The following ZNF736 variants were observed in gnomAD, a reference collection of about 807,000 sequenced individuals.
ZNF736 encodes zinc finger protein 736, also known as KRAB-containing zinc-finger repressor protein.
A neutral mutation model predicts 11.7 loss-of-function variants in ZNF736; 6 were observed. That is an observed-to-expected ratio of 0.51 (90% CI 0.28 to 1.01). ZNF736 has a LOEUF of 1.01. Ranked by LOEUF, ZNF736 falls within the 50% of genes least tolerant of loss-of-function variation. The probability of loss-of-function intolerance (pLI) is 0.09; values close to 1 mark genes in which losing one functional copy is unlikely to be tolerated. For synonymous variants in ZNF736, 139 were observed against 164.7 expected (o/e 0.84, Z 1.19); for missense variants, 444 against 496.0 (o/e 0.90, Z 1.00).
intron 1 of ZNF736, among the ~76,000 whole-genome samples, chr7:64,335,346 A>T (rs956804147): frequency 6.6e-6 from 1 of 152,044 alleles, no homozygotes; most frequent in Non-Finnish European, 1.5e-5. Context: ...AACATGGGAG[A>T]TATTTGTAGC....
At chr7:64,346,843 T>A (rs1190207651) in intron 3 of ZNF736, among the ~76,000 whole-genome samples, 1 of 152,068 alleles carries the variant, frequency 6.6e-6, no homozygotes, top group Admixed American at 6.5e-5. Flanking sequence ...TTTGTTTTTT[T>A]AATTTCCATT....
chr7:64,332,488 A>G (rs1789184333), intron 1 of ZNF736, among the ~76,000 whole-genome samples: 1 of 152,202 alleles, frequency 6.6e-6, no homozygotes, highest in South Asian at 2.1e-4. Context: ...AGGGAACAGG[A>G]CAAAAGGCAA....
At chr7:64,332,910 C>T (rs1789191031) in intron 1 of ZNF736, among the ~76,000 whole-genome samples, 1 of 152,084 alleles carries the variant, frequency 6.6e-6, no homozygotes, top group African/African-American at 2.4e-5. Flanking sequence ...TTCCCTTGTT[C>T]CCTAAAAATC....
At position 64,351,499 on chromosome 7, in the gene ZNF736, G is replaced by A. The variant is rs572726548; in HGVS notation, c.*2352G>A. 4.8e-3 allele frequency: 736 copies of A among 152,438 alleles called. 2 individuals carry two copies. The highest frequency in any genetic ancestry group is 8.3e-3 in the Non-Finnish European group (564 of 68,116). 9.4% of individuals were successfully genotyped at this position (152,438 alleles called of 1,614,324 possible). A position where few individuals can be genotyped will look rare whatever the true frequency, so the allele number is the denominator to read the frequency against. On this transcript the variant is annotated 3_prime_UTR_variant, in exon 4 of 4. Transcript: ENST00000423484. Reference sequence around the variant, plus strand: ...TCTGGTATGAGCTTCCAGGGTACCTGAGACTGCCCTGTAAGCAGCTGTGGC... The same window carrying A: ...TCTGGTATGAGCTTCCAGGGTACCTAAGACTGCCCTGTAAGCAGCTGTGGC...
At position 64,336,946 on chromosome 7, in the gene ZNF736, A is replaced by G. The variant is rs770755941; in HGVS notation, c.190A>G (p.Lys64Glu). 6.2e-7 allele frequency: 1 copy of G among 1,605,346 alleles called. No individual in the cohort carries two copies. Among genetic ancestry groups the G allele is most frequent in the Non-Finnish European group, 8.5e-7 (1 of 1,175,644 alleles). The change falls in exon 3 of 4, where the codon AAA becomes GAA. Residue 64 changes from lysine (K) to glutamate (E), a missense_variant. Transcript: ENST00000423484. ...TCTGGAGCAAAGAAAAGAGCCTTGGAAAGTGAAGAGACAGGAGGCAGTAGC... is the reference window on the plus strand; with the variant it reads ...TCTGGAGCAAAGAAAAGAGCCTTGGGAAGTGAAGAGACAGGAGGCAGTAGC... ...TCLEQRKEPWKVKRQEAVAKH... is the reference protein window; with the variant it reads ...TCLEQRKEPWEVKRQEAVAKH...
In ZNF736 at chr7:64,348,675, A is replaced by G. The variant is rs1789445280; in HGVS notation, c.812A>G (p.Asp271Gly). The G allele has an allele frequency of 3.1e-6, 5 of 1,607,898 alleles. No individual in the cohort carries two copies. Among genetic ancestry groups the G allele is most frequent in the Middle Eastern group, 1.7e-4 (1 of 6,052 alleles). ...ECGKAFKCFSDLTNHKRIHTG... is the reference protein window; with the variant it reads ...ECGKAFKCFSGLTNHKRIHTG... ...GGCAAAGCCTTTAAGTGCTTCTCAG[A>G]CCTTACTAATCATAAGAGAATTCAT... The change falls in exon 4 of 4, where the codon GAC becomes GGC. Residue 271 changes from aspartate (D) to glycine (G), a missense_variant. Coordinates refer to ENST00000423484, the MANE Select transcript of ZNF736 (RefSeq NM_001170905.3).
intron 3 of ZNF736, among the ~76,000 whole-genome samples, chr7:64,339,947 G>A (rs1789313104): frequency 6.6e-6 from 1 of 152,184 alleles, no homozygotes; most frequent in Non-Finnish European, 1.5e-5. Flanking sequence ...GGTATGCAGT[G>A]GAGAGGGGTT....
intron 1 of ZNF736, among the ~76,000 whole-genome samples, chr7:64,327,975 TAAG>T (rs952172093): frequency 3.9e-5 from 6 of 152,214 alleles, no homozygotes; most frequent in South Asian, 2.1e-4. Context: ...GTTATGGCCT[TAAG>T]GAGGTAGAGA....
intron 3 of ZNF736, among the ~76,000 whole-genome samples, chr7:64,343,793 A>G (rs1237982176): frequency 6.6e-6 from 1 of 152,160 alleles, no homozygotes; most frequent in African/African-American, 2.4e-5. Flanking sequence ...GTTTTTATGT[A>G]TCATAATTTT....
chr7:64,323,235 T>C (rs956300309), intron 1 of ZNF736, among the ~76,000 whole-genome samples: 4 of 152,208 alleles, frequency 2.6e-5, no homozygotes, highest in African/African-American at 9.6e-5. Context: ...GGCACTCATT[T>C]GAAGTAATAA....
chr7:64,346,409 T>C (rs1305749064), intron 3 of ZNF736, among the ~76,000 whole-genome samples: 1 of 148,488 alleles, frequency 6.7e-6, no homozygotes, highest in Non-Finnish European at 1.5e-5. Flanking sequence ...ATATATGTCA[T>C]GATATAGTTA....
intron 1 of ZNF736, among the ~76,000 whole-genome samples, chr7:64,330,680 C>A (rs964794603): frequency 6.6e-6 from 1 of 152,124 alleles, no homozygotes; most frequent in African/African-American, 2.4e-5. Context: ...TGGGTCTCAC[C>A]CGCCGAAGGG....
Position 64,349,971 on chromosome 7 carries a change from C to G in ZNF736, c.*824C>G, listed in dbSNP as rs1789464228. ...TTTTTAGAGGTGACCTGGCCTTTCT[C>G]TCTAGCTGCCTTTAACATATTTTTT... On this transcript the variant is annotated 3_prime_UTR_variant, in exon 4 of 4. Coordinates refer to ENST00000423484, the MANE Select transcript of ZNF736 (RefSeq NM_001170905.3). The G allele has an allele frequency of 6.6e-6, 1 of 152,054 alleles. No individual in the cohort carries two copies. Among genetic ancestry groups the G allele is most frequent in the Admixed American group, 6.5e-5 (1 of 15,268 alleles). 9.4% of individuals were successfully genotyped at this position (152,054 alleles called of 1,614,324 possible). A position where few individuals can be genotyped will look rare whatever the true frequency, so the allele number is the denominator to read the frequency against.
At chr7:64,327,605 T>C (rs1035648461) in intron 1 of ZNF736, among the ~76,000 whole-genome samples, 1 of 152,174 alleles carries the variant, frequency 6.6e-6, no homozygotes, top group Non-Finnish European at 1.5e-5. Context: ...TTGTGGTCTT[T>C]TCTCTCTCCT....
In ZNF736 at chr7:64,355,630, C is replaced by T. The variant is rs1450308225; in HGVS notation, c.*6483C>T. 1 of 152,254 alleles carries T rather than the reference C, an allele frequency of 6.6e-6. No individual in the cohort carries two copies. Among genetic ancestry groups the T allele is most frequent in the East Asian group, 1.9e-4 (1 of 5,182 alleles). The allele number at this position is 152,254 out of a possible 1,614,324, so 9.4% of individuals were successfully genotyped here. On this transcript the variant is annotated 3_prime_UTR_variant, in exon 4 of 4. Coordinates refer to ENST00000423484, the MANE Select transcript of ZNF736 (RefSeq NM_001170905.3). ...ATCTCCTGACCTCATGATCCACCCA[C>T]CTCAGCCTTCCAAAGTGCTGGGAAT...
chr7:64,328,380 T>A (rs1287633328), intron 1 of ZNF736, among the ~76,000 whole-genome samples: 1 of 152,146 alleles, frequency 6.6e-6, no homozygotes, highest in Non-Finnish European at 1.5e-5. Context: ...GTCAAACATA[T>A]TGGTGCTTGT....
rs1297464711 is a variant in ZNF736 at position 64,336,301 on chromosome 7, G to C, written c.46G>C (p.Glu16Gln). The C allele has an allele frequency of 6.2e-7, 1 of 1,613,366 alleles. No individual in the cohort carries two copies. Among genetic ancestry groups the C allele is most frequent in the African/African-American group, 1.3e-5 (1 of 74,910 alleles). Reference protein sequence around the residue: ...FRDVAVEFSPEEWECLDSAQQ... With the variant: ...FRDVAVEFSPQEWECLDSAQQ... ...GGATGTGGCTGTAGAATTCTCCCCA[G>C]AAGAGTGGGAATGCCTGGACTCTGC... is the stretch of plus-strand genomic sequence containing the variant. Residue 16 changes from glutamate (E) to glutamine (Q), a missense_variant, in exon 2 of 4, where the codon GAA becomes CAA. Transcript: ENST00000423484.
At chr7:64,346,813 T>C (rs2115965356) in intron 3 of ZNF736, among the ~76,000 whole-genome samples, 1 of 152,130 alleles carries the variant, frequency 6.6e-6, no homozygotes, top group Admixed American at 6.5e-5. Flanking sequence ...TTTTTGTTGG[T>C]TTCATTTTTG....
chr7:64,339,376 G>A (rs1325488034), intron 3 of ZNF736, among the ~76,000 whole-genome samples: 1 of 151,956 alleles, frequency 6.6e-6, no homozygotes, highest in Admixed American at 6.6e-5. Context: ...CAATATTAAG[G>A]TTTCTTCATA....
Sources: allele counts gnomAD v4.1 joint callset (sites outside exome capture counted in the v4.1 genomes callset), GRCh38; gene constraint gnomAD v4.1.1; transcripts MANE v1.5; gene names NCBI Gene and HGNC (gene_info 2026-07-23, HGNC 2026-07-21).